Variants in RASEF observed in about 807,000 individuals in gnomAD.
RASEF encodes the protein ras and EF-hand domain-containing protein.
A neutral mutation model predicts 90.1 loss-of-function variants in RASEF; 68 were observed. That is an observed-to-expected ratio of 0.75 (90% CI 0.62 to 0.92). RASEF has a LOEUF of 0.92. Ranked by LOEUF, RASEF falls within the 40% of genes least tolerant of loss-of-function variation. RASEF has a pLI of 0.00. For synonymous variants in RASEF, 331 were observed against 345.2 expected (o/e 0.96, Z 0.46); for missense variants, 949 against 937.2 (o/e 1.01, Z -0.16).
At chr9:83,072,497 C>A in the RASEF span, among the ~76,000 whole-genome samples, 1 of 152,084 alleles carries the variant, frequency 6.6e-6, no homozygotes, top group Non-Finnish European at 1.5e-5. Context: ...CACAATAGGC[C>A]ATCTGCAAGC....
rs145951475 is a variant in RASEF, at chr9:83,021,725, G to A, written c.669+611C>T. 3.3e-4 allele frequency among the ~76,000 whole-genome samples: 50 copies of A among 152,286 alleles called. No individual in the cohort carries two copies. The East Asian group carries it at 9.4e-3, about 29-fold the overall frequency. ...TATTAGGTATTATAAGTAATCCAGA[G>A]ATGATTTAAAGTATACTAGAGGATA... On this transcript the variant is annotated intron_variant, in intron 3 of 16. Transcript: ENST00000376447.
chr9:83,031,490 T>C (rs1046053150), intron 1 of RASEF, among the ~76,000 whole-genome samples: 2 of 152,214 alleles, frequency 1.3e-5, no homozygotes, highest in Admixed American at 6.5e-5. Flanking sequence ...AGTATCCTAT[T>C]TACTGAGGAG....
At chr9:83,201,245 TCTC>T in the RASEF span, 1 of 152,284 alleles carries the variant, frequency 6.6e-6, no homozygotes, top group African/African-American at 2.4e-5. Flanking sequence ...GGAACACAGT[TCTC>T]CTCCACACAG....
chr9:83,000,612 A>G, intron 10 of RASEF, 42 bp from the exon 11 acceptor site: 1 of 1,551,368 alleles, frequency 6.4e-7, no homozygotes, highest in Non-Finnish European at 8.7e-7. Flanking sequence ...AAAAAATGTC[A>G]GCAGTTAAAA....
the RASEF span, among the ~76,000 whole-genome samples, chr9:83,123,289 C>A: frequency 6.7e-6 from 1 of 148,630 alleles, no homozygotes; most frequent in Non-Finnish European, 1.5e-5. Context: ...GAATAGCATT[C>A]TCCCTCCCAA....
chr9:82,993,951 T>C lies in RASEF; in HGVS notation c.1921-926A>G, dbSNP rs56758799. Among the ~76,000 whole-genome samples, 1,331 of 152,310 alleles carry C rather than the reference T, an allele frequency of 8.7e-3. 24 individuals carry two copies. The highest frequency in any genetic ancestry group is 0.03 in the African/African-American group (1,261 of 41,574). On this transcript the variant is annotated intron_variant, in intron 14 of 16. Coordinates refer to ENST00000376447, the MANE Select transcript of RASEF (RefSeq NM_152573.4). The stretch of plus-strand genomic sequence containing the variant: ...ATGATGAGAATACAAGAAGACAACC[T>C]GACTAGCACAGAAACACAAGTTTCT...
chr9:83,102,163 C>A, the RASEF span, among the ~76,000 whole-genome samples: 44 of 152,268 alleles, frequency 2.9e-4, no homozygotes, highest in Non-Finnish European at 5.7e-4. Context: ...CTGCAACCTG[C>A]GCCTGTGGGT....
chr9:83,217,644 C>T, the RASEF span, among the ~76,000 whole-genome samples: 23 of 152,252 alleles, frequency 1.5e-4, no homozygotes, highest in Middle Eastern at 3.4e-3. Flanking sequence ...CTTCGCCTTC[C>T]GCCATGATTG....
the RASEF span, among the ~76,000 whole-genome samples, chr9:83,211,345 T>A: frequency 6.6e-6 from 1 of 152,176 alleles, no homozygotes; most frequent in South Asian, 2.1e-4. Flanking sequence ...CATAAATAAC[T>A]GATCAACAAG....
At chr9:83,015,149 T>C (rs1056418665) in intron 4 of RASEF, among the ~76,000 whole-genome samples, 1 of 152,182 alleles carries the variant, frequency 6.6e-6, no homozygotes, top group African/African-American at 2.4e-5. Flanking sequence ...ATACTTACCA[T>C]GCACTTTGCA....
the RASEF span, among the ~76,000 whole-genome samples, chr9:83,146,856 T>C: frequency 6.6e-6 from 1 of 152,056 alleles, no homozygotes; most frequent in East Asian, 1.9e-4. Flanking sequence ...ATGAGAGTGA[T>C]GGACGTGAAG....
the RASEF span, among the ~76,000 whole-genome samples, chr9:83,168,107 A>G: frequency 1.3e-5 from 2 of 152,290 alleles, no homozygotes; most frequent in East Asian, 3.9e-4. Context: ...AAGAAGGGGC[A>G]CCAGAATTCC....
At chr9:83,164,526 T>C in the RASEF span, among the ~76,000 whole-genome samples, 1 of 150,056 alleles carries the variant, frequency 6.7e-6, no homozygotes, top group Non-Finnish European at 1.5e-5. Context: ...TATTGCAATG[T>C]CTAGAGCAAC....
intron 2 of RASEF, among the ~76,000 whole-genome samples, chr9:83,022,788 C>T (rs1235331433): frequency 1.3e-5 from 2 of 152,166 alleles, no homozygotes; most frequent in Non-Finnish European, 2.9e-5. Context: ...TGCTCCTAGG[C>T]TGGAAACCTG....
chr9:83,040,426 T>C (rs1306358427), intron 1 of RASEF, among the ~76,000 whole-genome samples: 1 of 152,228 alleles, frequency 6.6e-6, no homozygotes, highest in South Asian at 2.1e-4. Flanking sequence ...TACATGATTC[T>C]ATGGCGATCA....
the RASEF span, among the ~76,000 whole-genome samples, chr9:83,127,796 C>T: frequency 8.5e-5 from 13 of 152,240 alleles, no homozygotes; most frequent in Admixed American, 3.3e-4. Flanking sequence ...TACCAAGATG[C>T]ATACCCCAGA....
intron 1 of RASEF, among the ~76,000 whole-genome samples, chr9:83,061,823 G>A (rs1830205193): frequency 6.6e-6 from 1 of 152,224 alleles, no homozygotes; most frequent in African/African-American, 2.4e-5. Flanking sequence ...AACTGGGCAA[G>A]TCCCTTAACG....
chr9:83,044,208 G>A (rs1275296289), intron 1 of RASEF, among the ~76,000 whole-genome samples: 1 of 152,198 alleles, frequency 6.6e-6, no homozygotes, highest in Non-Finnish European at 1.5e-5. Flanking sequence ...AGCATCTGCA[G>A]AAAGGAGGGA....
At chr9:83,143,883 G>A in the RASEF span, among the ~76,000 whole-genome samples, 1 of 152,092 alleles carries the variant, frequency 6.6e-6, no homozygotes, top group African/African-American at 2.4e-5. Flanking sequence ...ATTCACCATA[G>A]CAAAGACATA....
Sources: gnomAD v4.1 joint callset for allele counts (sites outside exome capture counted in the v4.1 genomes callset) on GRCh38, gnomAD v4.1.1 for gene constraint, MANE v1.5 for transcripts, NCBI Gene and HGNC (gene_info 2026-07-23, HGNC 2026-07-21) for gene names.